ADGRE3: variants seen among roughly 807,000 people sequenced by gnomAD.
ADGRE3 encodes EGF-like module receptor 3.
Under a neutral mutation model 80.1 loss-of-function variants are expected in ADGRE3, and 88 were observed. That is an observed-to-expected ratio of 1.10 (90% CI 0.93 to 1.31). ADGRE3 has a LOEUF of 1.31. ADGRE3 is among the 40% of genes most tolerant of loss of function. The probability of loss-of-function intolerance (pLI) is 0.00; values close to 1 mark genes in which losing one functional copy is unlikely to be tolerated. For missense variants in ADGRE3, 715 were observed against 776.5 expected, an observed-to-expected ratio of 0.92 and a Z score of 0.94; for synonymous variants, 281 against 294.8, an observed-to-expected ratio of 0.95 and a Z score of 0.48.
Position 14,668,863 on chromosome 19 carries a change from T to C in ADGRE3, c.26-11A>G. On this transcript the variant is annotated splice_polypyrimidine_tract_variant and intron_variant, in intron 1 of 15. Transcript: ENST00000253673. Reference sequence around the variant, plus strand: ...GCAGAAAGCAGAGGCCTGGAATAGATGGGAAACAGAAGGGAGAGACATGAA... The same window carrying C: ...GCAGAAAGCAGAGGCCTGGAATAGACGGGAAACAGAAGGGAGAGACATGAA... The C allele has an allele frequency of 6.2e-7, 1 of 1,613,748 alleles. No homozygotes were observed. The highest frequency in any genetic ancestry group is 8.5e-7 in the Non-Finnish European group (1 of 1,179,798).
the ADGRE3 span, chr19:14,610,350 G>A: frequency 9.7e-7 from 1 of 1,031,364 alleles, no homozygotes; most frequent in Non-Finnish European, 1.4e-6. Context: ...TCCCAGGGGT[G>A]CAAGTCAGGC....
chr19:14,653,232 C>T (rs1423843925), intron 6 of ADGRE3, among the ~76,000 whole-genome samples: 1 of 152,016 alleles, frequency 6.6e-6, no homozygotes, highest in Non-Finnish European at 1.5e-5. Flanking sequence ...CCTGCCTTAG[C>T]CTCCAAAAGT....
chr19:14,650,990 C>T (rs1971590234), intron 7 of ADGRE3, 95 bp downstream of exon 7: 1 of 1,343,014 alleles, frequency 7.4e-7, no homozygotes, highest in Non-Finnish European at 1.0e-6. Context: ...GGGTAAAAAG[C>T]CCATGAGGGG....
At chr19:14,666,950 C>G (rs1169110226) in intron 2 of ADGRE3, among the ~76,000 whole-genome samples, 6 of 152,126 alleles carry the variant, frequency 3.9e-5, no homozygotes, top group Non-Finnish European at 8.8e-5. Context: ...CACCCAGAAC[C>G]TCAGGATATG....
chr19:14,614,238 T>G (rs1443434865), downstream of ADGRE3, among the ~76,000 whole-genome samples: 1 of 152,172 alleles, frequency 6.6e-6, no homozygotes, highest in Non-Finnish European at 1.5e-5. Flanking sequence ...CAACTTTATC[T>G]GGGGTCAGGG....
intron 11 of ADGRE3, among the ~76,000 whole-genome samples, chr19:14,637,850 G>T (rs1438434664): frequency 1.3e-5 from 2 of 151,896 alleles, no homozygotes; most frequent in South Asian, 4.2e-4. Flanking sequence ...TTTCTCTGCT[G>T]CAAACCCTGC....
At chr19:14,634,876 A>T (rs1970994655) in intron 11 of ADGRE3, among the ~76,000 whole-genome samples, 1 of 151,994 alleles carries the variant, frequency 6.6e-6, no homozygotes, top group Non-Finnish European at 1.5e-5. Flanking sequence ...AAGAAAACCC[A>T]CGCTTGCTAA....
chr19:14,641,969 A>G (rs1242199015), intron 9 of ADGRE3, among the ~76,000 whole-genome samples: 2 of 152,096 alleles, frequency 1.3e-5, no homozygotes, highest in Non-Finnish European at 2.9e-5. Context: ...CACTTTGATG[A>G]GTTTGGACAT....
Position 14,636,012 on chromosome 19 carries a change from T to TTCCCTC in ADGRE3, c.1484+2092_1484+2093insGAGGGA, listed in dbSNP as rs1568480908. On this transcript the variant is annotated intron_variant, in intron 11 of 15. Transcript: ENST00000253673. ...TCCTTTCTCTCTCTTTCTCTTTCTT[T>TTCCCTC]CTTCCTTCCTTCCTTCCTTCCTTCC... 1.8e-4 allele frequency among the ~76,000 whole-genome samples: 18 copies of TTCCCTC among 99,328 alleles called. 2 individuals carry two copies. In the South Asian group the frequency reaches 3.4e-3, roughly 19 times the overall value. The allele number at this position is 99,328 out of a possible 152,430, so 65.2% of individuals were successfully genotyped here.
At chr19:14,632,520 A>C (rs956446984) in intron 13 of ADGRE3, among the ~76,000 whole-genome samples, 4 of 152,154 alleles carry the variant, frequency 2.6e-5, no homozygotes, top group African/African-American at 7.2e-5. Flanking sequence ...CAAATGTGGC[A>C]ACTGCAACTC....
At chr19:14,657,913 G>T (rs1049274044) in intron 5 of ADGRE3, among the ~76,000 whole-genome samples, 19 of 152,042 alleles carry the variant, frequency 1.2e-4, no homozygotes, top group African/African-American at 4.6e-4. Flanking sequence ...GCAGGCATGT[G>T]CCATCATACC....
At chr19:14,669,770 A>G (rs959628703) in intron 1 of ADGRE3, among the ~76,000 whole-genome samples, 1 of 152,126 alleles carries the variant, frequency 6.6e-6, no homozygotes, top group African/African-American at 2.4e-5. Context: ...GATTACGGGC[A>G]TGAGCCACTC....
chr19:14,603,505 G>A, the ADGRE3 span, among the ~76,000 whole-genome samples: 1 of 152,106 alleles, frequency 6.6e-6, no homozygotes, highest in African/African-American at 2.4e-5. Context: ...TGTTGCCCAG[G>A]CTGGAGTGCA....
chr19:14,656,476 C>T (rs1259206483), intron 5 of ADGRE3, among the ~76,000 whole-genome samples: 3 of 151,714 alleles, frequency 2.0e-5, no homozygotes, highest in Non-Finnish European at 4.4e-5. Flanking sequence ...TATATTCAGG[C>T]ACTAGATTTT....
chr19:14,626,412 G>A (rs1011955532), intron 14 of ADGRE3, among the ~76,000 whole-genome samples: 4 of 152,004 alleles, frequency 2.6e-5, no homozygotes, highest in Non-Finnish European at 2.9e-5. Flanking sequence ...ACTCCAGCCT[G>A]GGAGACAGAG....
chr19:14,642,003 G>T (rs1026415456), intron 9 of ADGRE3, among the ~76,000 whole-genome samples: 1 of 152,084 alleles, frequency 6.6e-6, no homozygotes, highest in African/African-American at 2.4e-5. Flanking sequence ...CCTAAAAAAA[G>T]TAGAATGGCA....
In ADGRE3 at chr19:14,620,914, T is replaced by C. The variant is rs574732023; in HGVS notation, c.1921-1443A>G. Among the ~76,000 whole-genome samples the C allele has an allele frequency of 6.6e-5, 10 of 152,232 alleles. No individual in the cohort carries two copies. The South Asian group carries it at 1.9e-3, about 28-fold the overall frequency. On this transcript the variant is annotated intron_variant, in intron 15 of 15. Coordinates refer to ENST00000253673, the MANE Select transcript of ADGRE3 (RefSeq NM_032571.5). Reference sequence around the variant, plus strand: ...CATTGTGGAGAACCAATAACTGGAATGCTGGCAGCTTTGGGAATTATTTTG... The same window carrying C: ...CATTGTGGAGAACCAATAACTGGAACGCTGGCAGCTTTGGGAATTATTTTG...
downstream of ADGRE3, among the ~76,000 whole-genome samples, chr19:14,618,674 T>C (rs923761615): frequency 6.6e-6 from 1 of 150,548 alleles, no homozygotes; most frequent in Non-Finnish European, 1.5e-5. Context: ...CTGACCAACA[T>C]GGAGAAACCC....
At chr19:14,618,092 T>C (rs2075092912), downstream of ADGRE3, among the ~76,000 whole-genome samples, 1 of 152,134 alleles carries the variant, frequency 6.6e-6, no homozygotes, top group Admixed American at 6.6e-5. Flanking sequence ...TCTTTTACAC[T>C]TTAAACATTT....
Sources: allele counts gnomAD v4.1 joint callset (sites outside exome capture counted in the v4.1 genomes callset), GRCh38; gene constraint gnomAD v4.1.1; transcripts MANE v1.5; gene names NCBI Gene and HGNC (gene_info 2026-07-23, HGNC 2026-07-21).